The following CAPN14 variants were observed in gnomAD, a reference collection of about 807,000 sequenced individuals.
The protein encoded by CAPN14 is calpain 14.
In CAPN14, 94 loss-of-function variants were observed where a neutral mutation model predicts 101.3. The observed-to-expected ratio is 0.93, with a 90% CI of 0.79 to 1.10. The LOEUF (loss-of-function observed/expected upper bound fraction) is 1.10, where lower values mean the gene tolerates loss of function less well. Among genes scored for constraint, CAPN14 ranks in the 50% least tolerant of loss-of-function variants. CAPN14 has a pLI of 0.00. For missense variants in CAPN14, 837 were observed against 828.4 expected (o/e 1.01, Z -0.13); for synonymous variants, 338 against 317.9 (o/e 1.06, Z -0.67).
chr2:31,218,148 C>T (rs574477422), upstream of CAPN14, among the ~76,000 whole-genome samples: 9 of 152,232 alleles, frequency 5.9e-5, no homozygotes, highest in African/African-American at 2.2e-4. Context: ...CACCTTGGGT[C>T]CCGTTGCTCC....
intron 20 of CAPN14, 105 bp downstream of exon 20, chr2:31,176,921 T>A: frequency 1.2e-6 from 1 of 858,350 alleles, no homozygotes; most frequent in Non-Finnish European, 1.9e-6. Context: ...GGTCTGCTGT[T>A]TCTGGGATGG....
At chr2:31,214,603 CT>C (rs1400185813) in intron 1 of CAPN14, among the ~76,000 whole-genome samples, 1 of 152,172 alleles carries the variant, frequency 6.6e-6, no homozygotes, top group Non-Finnish European at 1.5e-5. Context: ...GTCCCCTGGG[CT>C]GACTGCATGC....
At chr2:31,183,523 A>G (rs1256453785) in intron 16 of CAPN14, among the ~76,000 whole-genome samples, 4 of 152,122 alleles carry the variant, frequency 2.6e-5, no homozygotes, top group African/African-American at 7.2e-5. Context: ...AAAAGTGGGC[A>G]AAGGACATGA....
chr2:31,197,197 C>T, intron 8 of CAPN14, 52 bp downstream of exon 8: 1 of 1,275,728 alleles, frequency 7.8e-7, no homozygotes, highest in Non-Finnish European at 1.1e-6. Flanking sequence ...ATGGCAGCCT[C>T]CTTTGCCTAA....
chr2:31,179,166 C>T (rs184854529), intron 17 of CAPN14, among the ~76,000 whole-genome samples: 136 of 150,404 alleles, frequency 9.0e-4, no homozygotes, highest in African/African-American at 3.1e-3. Flanking sequence ...TGGTTTGCTG[C>T]ACCCATTAAC....
Position 31,206,021 on chromosome 2 carries a change from A to ATTT in CAPN14, c.-52-525_-52-523dup, listed in dbSNP as rs200116287. 4.5e-3 allele frequency among the ~76,000 whole-genome samples: 491 copies of ATTT among 108,662 alleles called. 59 individuals carry two copies. The highest frequency in any genetic ancestry group is 6.3e-3 in the East Asian group (19 of 3,002). The allele number at this position is 108,662 out of a possible 152,430, so 71.3% of individuals were successfully genotyped here. A position where few individuals can be genotyped will look rare whatever the true frequency, so the allele number is the denominator to read the frequency against. Reference sequence around the variant, plus strand: ...CAAAACCTCCTCCTACATTATCTTTATTTTTTTTATTTATTTATTTTTTTT... The same window carrying ATTT: ...CAAAACCTCCTCCTACATTATCTTTATTTTTTTTTTTATTTATTTATTTTTTTT... On this transcript the variant is annotated intron_variant, in intron 1 of 21. Coordinates refer to ENST00000403897, the MANE Select transcript of CAPN14 (RefSeq NM_001145122.2).
chr2:31,224,450 T>C (rs1300838904), intron 2 of CAPN14, among the ~76,000 whole-genome samples: 3 of 151,740 alleles, frequency 2.0e-5, no homozygotes, highest in African/African-American at 7.3e-5. Context: ...GGTGAAGAAG[T>C]TGAGGTGGGG....
At chr2:31,178,687 C>A in intron 17 of CAPN14, 108 bp from the exon 18 acceptor site, 1 of 694,734 alleles carries the variant, frequency 1.4e-6, no homozygotes, top group Non-Finnish European at 2.3e-6. Context: ...TGGCCTCATT[C>A]AATGTCTGAT....
chr2:31,202,301 T>C (rs1681835598), intron 3 of CAPN14, 49 bp from the exon 4 acceptor site: 3 of 1,448,166 alleles, frequency 2.1e-6, no homozygotes, highest in South Asian at 1.2e-5. Flanking sequence ...GGGGACTTTA[T>C]GACTGCAGAA....
At chr2:31,176,985 C>A in intron 20 of CAPN14, 41 bp downstream of exon 20, 1 of 1,387,544 alleles carries the variant, frequency 7.2e-7, no homozygotes, top group Non-Finnish European at 1.0e-6. Context: ...CATGGGGCAG[C>A]AGAGGAAGAC....
At chr2:31,190,145 C>G (rs193037928) in intron 12 of CAPN14, among the ~76,000 whole-genome samples, 1 of 151,078 alleles carries the variant, frequency 6.6e-6, no homozygotes, top group Non-Finnish European at 1.5e-5. Flanking sequence ...TATTCTCTCT[C>G]TCTCTCTCTC....
At chr2:31,206,297 A>G (rs1164445450) in intron 1 of CAPN14, among the ~76,000 whole-genome samples, 1 of 152,162 alleles carries the variant, frequency 6.6e-6, no homozygotes, top group Non-Finnish European at 1.5e-5. Flanking sequence ...GCTCCAGCAC[A>G]GGGTGCGTGG....
upstream of CAPN14, chr2:31,233,929 C>T (rs1216006042): frequency 6.6e-6 from 1 of 152,602 alleles, no homozygotes; most frequent in East Asian, 1.9e-4. Flanking sequence ...GAGGCGGAGA[C>T]TGAGACACCG....
chr2:31,226,277 T>C (rs186526552), intron 2 of CAPN14, among the ~76,000 whole-genome samples: 5 of 152,342 alleles, frequency 3.3e-5, no homozygotes, highest in Admixed American at 2.6e-4. Flanking sequence ...TCTGCCTTTA[T>C]CAGGTTCTCT....
chr2:31,199,348 A>T (rs1558624694), intron 7 of CAPN14, 122 bp downstream of exon 7: 4 of 826,204 alleles, frequency 4.8e-6, no homozygotes, highest in Non-Finnish European at 8.0e-6. Flanking sequence ...AGGCACAGGG[A>T]CCCACCAAAG....
intron 21 of CAPN14, among the ~76,000 whole-genome samples, chr2:31,176,351 T>C (rs1022477300): frequency 1.3e-5 from 2 of 152,258 alleles, no homozygotes; most frequent in African/African-American, 4.8e-5. Flanking sequence ...ATGGCATTAT[T>C]GCAATCAGAG....
At chr2:31,229,243 G>T (rs745398666) in intron 1 of CAPN14, among the ~76,000 whole-genome samples, 41 of 152,222 alleles carry the variant, frequency 2.7e-4, no homozygotes, top group Non-Finnish European at 5.4e-4. Context: ...GATGTAAATT[G>T]CTGCTAATTT....
At chr2:31,178,398 T>G in intron 18 of CAPN14, 113 bp downstream of exon 18, 1 of 775,674 alleles carries the variant, frequency 1.3e-6, no homozygotes, top group Non-Finnish European at 2.2e-6. Context: ...ATAGAGAAGG[T>G]TTGGTGAGGT....
Position 31,199,613 on chromosome 2 carries a change from G to A in CAPN14, c.727-81C>T, listed in dbSNP as rs547593867. The A allele has an allele frequency of 3.5e-4, 416 of 1,174,408 alleles. 8 individuals are homozygous for A. The South Asian group carries it at 5.3e-3, about 15-fold the overall frequency. 72.7% of individuals were successfully genotyped at this position (1,174,408 alleles called of 1,614,324 possible). The stretch of plus-strand genomic sequence containing the variant: ...GAGTCGTGGGAAGGCTGTTTGGCTG[G>A]AGCAGGGGTTTATGGAGAGAAGTGT... On this transcript the variant is annotated intron_variant, in intron 6 of 21. Coordinates refer to ENST00000403897, the MANE Select transcript of CAPN14 (RefSeq NM_001145122.2).
Sources: allele counts gnomAD v4.1 joint callset (sites outside exome capture counted in the v4.1 genomes callset), GRCh38; gene constraint gnomAD v4.1.1; transcripts MANE v1.5; gene names NCBI Gene and HGNC (gene_info 2026-07-23, HGNC 2026-07-21).